Variants in ZNF782 observed in about 807,000 individuals in gnomAD.
The protein encoded by ZNF782 is zinc finger protein 782.
A neutral mutation model predicts 13.0 loss-of-function variants in ZNF782; 12 were observed. The observed-to-expected ratio is 0.92, with a 90% CI of 0.59 to 1.50. The LOEUF (loss-of-function observed/expected upper bound fraction) is 1.50, where lower values mean the gene tolerates loss of function less well. Among genes scored for constraint, ZNF782 ranks in the 40% most tolerant of loss-of-function variants. The pLI is 0.00. For missense variants in ZNF782, 770 were observed against 822.9 expected, an observed-to-expected ratio of 0.94 and a Z score of 0.79; for synonymous variants, 284 against 283.0, an observed-to-expected ratio of 1.00 and a Z score of -0.04.
the ZNF782 span, among the ~76,000 whole-genome samples, chr9:96,911,568 G>C: frequency 1.4e-5 from 2 of 143,130 alleles, no homozygotes; most frequent in Non-Finnish European, 3.0e-5. Flanking sequence ...TCTCCCAGGC[G>C]GGAGTGCAGT....
At position 96,850,552 on chromosome 9, in the gene ZNF782, C is replaced by A. The variant is rs184595470; in HGVS notation, c.15+1395G>T. 1.1e-4 allele frequency among the ~76,000 whole-genome samples: 17 copies of A among 152,236 alleles called. No individual in the cohort carries two copies. The East Asian group carries it at 3.3e-3, about 29-fold the overall frequency. On this transcript the variant is annotated intron_variant, in intron 3 of 5. Transcript: ENST00000481138. The surrounding 1 kb of genome is among the most constrained non-coding windows in gnomAD (Gnocchi z 4.3). ...GGGATAAAAAACTACCTATAAGGCA[C>A]AATGTACACTACTTGTCAGACCACG... is the stretch of plus-strand genomic sequence containing the variant.
chr9:96,916,693 C>A, the ZNF782 span, among the ~76,000 whole-genome samples: 1 of 151,772 alleles, frequency 6.6e-6, no homozygotes, highest in Non-Finnish European at 1.5e-5. Context: ...CTCCCCAGCC[C>A]GAGGCCTTTG....
the ZNF782 span, among the ~76,000 whole-genome samples, chr9:96,899,294 TCA>T: frequency 6.6e-6 from 1 of 151,804 alleles, no homozygotes; most frequent in African/African-American, 2.4e-5. Flanking sequence ...ATGTGGTACC[TCA>T]CTGTGGTCTT....
At position 96,818,170 on chromosome 9, in the gene ZNF782, T is replaced by C. The variant is rs761976934; in HGVS notation, c.1853A>G (p.Tyr618Cys). ...HQRTHTGEKP[Y>C]ECNECGKAFS... ...AGCTTTTCCACATTCATTACATTCATAGGGCTTCTCCCCAGTGTGAGTTCT... is the reference window on the plus strand; with the variant it reads ...AGCTTTTCCACATTCATTACATTCACAGGGCTTCTCCCCAGTGTGAGTTCT... Residue 618 changes from tyrosine (Y) to cysteine (C), a missense_variant, in exon 6 of 6, where the codon TAT becomes TGT. Physicochemically the swap from Tyr to Cys is radical, Grantham distance 194. Transcript: ENST00000481138. 24 of 1,613,992 alleles carry C rather than the reference T, an allele frequency of 1.5e-5. No individual in the cohort carries two copies. The highest frequency in any genetic ancestry group is 3.3e-5 in the Admixed American group (2 of 59,998).
the ZNF782 span, among the ~76,000 whole-genome samples, chr9:96,927,528 A>G: frequency 6.6e-6 from 1 of 152,150 alleles, no homozygotes; most frequent in African/African-American, 2.4e-5. Context: ...GGTGCAGCCA[A>G]GATTCACACT....
the ZNF782 span, chr9:96,895,900 C>T: frequency 2.0e-5 from 3 of 152,308 alleles, no homozygotes; most frequent in East Asian, 3.9e-4. Flanking sequence ...ACTTACCTGC[C>T]TCTATCTAGA....
chr9:96,920,513 G>A, the ZNF782 span, among the ~76,000 whole-genome samples: 4 of 148,394 alleles, frequency 2.7e-5, no homozygotes, highest in South Asian at 2.1e-4. Context: ...TGATCCGCCC[G>A]CCTCGGCCTC....
At chr9:96,893,338 A>T in the ZNF782 span, 1 of 152,262 alleles carries the variant, frequency 6.6e-6, no homozygotes, top group Non-Finnish European at 1.5e-5. Context: ...TCATAGTTAA[A>T]AAATAGGAGG....
intron 4 of ZNF782, among the ~76,000 whole-genome samples, chr9:96,842,620 A>T (rs941700411): frequency 1.3e-5 from 2 of 152,206 alleles, no homozygotes; most frequent in Admixed American, 1.3e-4. Context: ...CACAATTTTT[A>T]AAAATAGGAG....
rs143338695 is a variant in ZNF782 at position 96,860,671 on chromosome 9, A to G, written c.-380-257T>C. Among the ~76,000 whole-genome samples, 4 of 152,358 alleles carry G rather than the reference A, an allele frequency of 2.6e-5. No individual in the cohort carries two copies. In the East Asian group the frequency reaches 7.7e-4, roughly 29 times the overall value. ...AAACAAACAAAACTGGAGGAATCACATTATCTTATTTCAAATTATACCGTA... is the reference window on the plus strand; with the variant it reads ...AAACAAACAAAACTGGAGGAATCACGTTATCTTATTTCAAATTATACCGTA... On this transcript the variant is annotated intron_variant, in intron 2 of 5. Coordinates refer to the ZNF782 transcript ENST00000498811.
the ZNF782 span, among the ~76,000 whole-genome samples, chr9:96,906,563 C>T: frequency 0.011 from 1,601 of 151,278 alleles, no homozygotes; most frequent in African/African-American, 0.037. Flanking sequence ...CTTACATTTA[C>T]CAGTTTATTA....
the ZNF782 span, among the ~76,000 whole-genome samples, chr9:96,886,407 C>G: frequency 2.0e-5 from 3 of 152,032 alleles, no homozygotes; most frequent in Non-Finnish European, 2.9e-5. Context: ...AGTGTTAAAG[C>G]AAAAACTCTA....
chr9:96,916,357 G>A, the ZNF782 span, among the ~76,000 whole-genome samples: 2 of 152,018 alleles, frequency 1.3e-5, no homozygotes, highest in Admixed American at 6.6e-5. Context: ...AGGCATGATG[G>A]CGCACACCTG....
chr9:96,837,409 T>A (rs535964985), intron 4 of ZNF782, among the ~76,000 whole-genome samples: 2 of 152,238 alleles, frequency 1.3e-5, no homozygotes, highest in Non-Finnish European at 2.9e-5. Flanking sequence ...CTGAGTTTAG[T>A]AATTTGAGTC....
rs569290247 is a variant in ZNF782, at chr9:96,831,691, C to T, written c.143-4510G>A. Reference sequence around the variant, plus strand: ...TAGTGCCACTGCACTCCAGCCTGGACGACAGAGTGAGACTCTGTCTCAAAA... The same window carrying T: ...TAGTGCCACTGCACTCCAGCCTGGATGACAGAGTGAGACTCTGTCTCAAAA... On this transcript the variant is annotated intron_variant, in intron 4 of 5. Transcript: ENST00000481138. 1.9e-3 allele frequency among the ~76,000 whole-genome samples: 284 copies of T among 147,708 alleles called. 1 individual carries two copies. Among genetic ancestry groups the T allele is most frequent in the Non-Finnish European group, 2.7e-3 (182 of 67,582 alleles).
At chr9:96,932,542 T>C in the ZNF782 span, 6 of 1,320,040 alleles carry the variant, frequency 4.5e-6, no homozygotes, top group Non-Finnish European at 3.2e-6. Flanking sequence ...TGGGTTGTGC[T>C]ATGGGAAGGT....
At chr9:96,910,068 GC>G in the ZNF782 span, 1 of 595,950 alleles carries the variant, frequency 1.7e-6, no homozygotes, top group Non-Finnish European at 3.3e-6. Flanking sequence ...TCACCGGCGT[GC>G]CCCACCATGT....
intron 3 of ZNF782, among the ~76,000 whole-genome samples, chr9:96,846,159 G>A (rs564201425): frequency 1.1e-4 from 16 of 152,108 alleles, no homozygotes; most frequent in African/African-American, 2.7e-4. Context: ...GGACTTTGTC[G>A]TTACCAAACC....
intron 1 of ZNF782, among the ~76,000 whole-genome samples, chr9:96,873,473 G>C (rs1851852876): frequency 6.6e-6 from 1 of 152,210 alleles, no homozygotes; most frequent in Admixed American, 6.5e-5. Flanking sequence ...GGTGAGGTGG[G>C]CAGATTACTT....
Sources: allele counts gnomAD v4.1 joint callset (sites outside exome capture counted in the v4.1 genomes callset), GRCh38; gene constraint gnomAD v4.1.1; non-coding constraint Gnocchi (gnomAD v3.1); transcripts MANE v1.5; gene names NCBI Gene and HGNC (gene_info 2026-07-23, HGNC 2026-07-21).